Variants in MAD1L1 observed in about 807,000 individuals in gnomAD.
MAD1L1 encodes mitotic spindle assembly checkpoint protein MAD1.
Under a neutral mutation model 96.9 loss-of-function variants are expected in MAD1L1, and 95 were observed. That is an observed-to-expected ratio of 0.98 (90% CI 0.83 to 1.16). The LOEUF (loss-of-function observed/expected upper bound fraction) is 1.16, where lower values mean the gene tolerates loss of function less well. MAD1L1 is among the 50% of genes most tolerant of loss of function. MAD1L1 has a pLI of 0.00. For missense variants in MAD1L1, 1,007 were observed against 954.4 expected (o/e 1.06, Z -0.73); for synonymous variants, 473 against 396.6 (o/e 1.19, Z -2.29).
At chr7:1,964,886 G>C (rs1016502323) in intron 15 of MAD1L1, among the ~76,000 whole-genome samples, 2 of 152,164 alleles carry the variant, frequency 1.3e-5, no homozygotes, top group African/African-American at 4.8e-5. Context: ...AGGCTCCTGG[G>C]GCCTGGAGAG....
intron 11 of MAD1L1, among the ~76,000 whole-genome samples, chr7:2,070,303 G>A (rs760208193): frequency 5.9e-5 from 9 of 152,324 alleles, no homozygotes; most frequent in Middle Eastern, 3.4e-3. Context: ...CCTCACGGGA[G>A]GGGCTCCCAG....
chr7:2,081,991 G>A (rs1288772641), intron 11 of MAD1L1, among the ~76,000 whole-genome samples: 3 of 152,236 alleles, frequency 2.0e-5, no homozygotes, highest in African/African-American at 7.2e-5. Flanking sequence ...TGGAGATTAG[G>A]AGAGAGGTTG....
intron 18 of MAD1L1, among the ~76,000 whole-genome samples, chr7:1,821,102 G>T (rs1782104376): frequency 6.9e-6 from 1 of 144,808 alleles, no homozygotes; most frequent in East Asian, 2.0e-4. Flanking sequence ...AAGGGGGGGG[G>T]GAGAGTGAAA....
intron 15 of MAD1L1, among the ~76,000 whole-genome samples, chr7:1,960,086 G>A (rs1779890978): frequency 6.6e-6 from 1 of 152,178 alleles, no homozygotes; most frequent in South Asian, 2.1e-4. Context: ...TACTGTGTGT[G>A]AGAAGACGTA....
intron 13 of MAD1L1, among the ~76,000 whole-genome samples, chr7:2,005,150 G>A (rs538450799): frequency 2.6e-5 from 4 of 152,242 alleles, no homozygotes; most frequent in East Asian, 3.9e-4. Context: ...GGCAGACATC[G>A]ACGAGCTGAG....
intron 18 of MAD1L1, among the ~76,000 whole-genome samples, chr7:1,860,556 CG>C (rs1784496933): frequency 6.6e-6 from 1 of 151,864 alleles, no homozygotes; most frequent in Admixed American, 6.6e-5. Flanking sequence ...TCCTGTCCCT[CG>C]TCCCTCACAA....
chr7:1,984,924 G>T (rs1001217019), intron 14 of MAD1L1, among the ~76,000 whole-genome samples: 2 of 152,176 alleles, frequency 1.3e-5, no homozygotes, highest in Non-Finnish European at 2.9e-5. Flanking sequence ...TTAGAAAAGT[G>T]TGCATGTTTT....
At chr7:2,077,391 AGTCATGAGCATGAAGCCACCGT>A (rs1342057811) in intron 11 of MAD1L1, among the ~76,000 whole-genome samples, 1 of 152,118 alleles carries the variant, frequency 6.6e-6, no homozygotes, top group African/African-American at 2.4e-5. Context: ...TGAGCGACTG[AGTCATGAGCATGAAGCCACCGT>A]GTCCCCCAGG....
At chr7:1,970,331 C>CTTT (rs34240381) in intron 15 of MAD1L1, among the ~76,000 whole-genome samples, 121 of 116,510 alleles carry the variant, frequency 1.0e-3, no homozygotes, top group Non-Finnish European at 1.5e-3. Flanking sequence ...TTAATTTTTA[C>CTTT]TTTTTTTTTT....
intron 12 of MAD1L1, among the ~76,000 whole-genome samples, chr7:2,028,730 C>A (rs118125244): frequency 1.3e-5 from 2 of 152,100 alleles, no homozygotes; most frequent in Non-Finnish European, 2.9e-5. Context: ...AACACACCAA[C>A]GAAACAATAC....
At chr7:2,220,783 T>C in intron 5 of MAD1L1, 1 of 1,218,768 alleles carries the variant, frequency 8.2e-7, no homozygotes, top group Non-Finnish European at 1.1e-6. Flanking sequence ...ACCACAACAG[T>C]GAAGCATCAA....
At position 1,929,490 on chromosome 7, in the gene MAD1L1, G is replaced by A. The variant is rs114386495; in HGVS notation, c.1807+7197C>T. The stretch of plus-strand genomic sequence containing the variant: ...CGCCAAGGGCCCGTGCCGATGGCAA[G>A]GGTTGTTTAGTGACTGCCTTGTCAA... On this transcript the variant is annotated intron_variant, in intron 17 of 18. Transcript: ENST00000265854. 4.1e-3 allele frequency among the ~76,000 whole-genome samples: 625 copies of A among 152,258 alleles called. 9 individuals are homozygous for A. Among genetic ancestry groups the A allele is most frequent in the African/African-American group, 0.014 (590 of 41,520 alleles).
chr7:2,180,190 T>C (rs541353627), intron 10 of MAD1L1, among the ~76,000 whole-genome samples: 3 of 152,270 alleles, frequency 2.0e-5, no homozygotes, highest in Admixed American at 1.3e-4. Context: ...TAAGGGGCCA[T>C]GTCCGTGCAT....
chr7:2,176,677 A>G (rs1455567374), intron 10 of MAD1L1, among the ~76,000 whole-genome samples: 1 of 152,234 alleles, frequency 6.6e-6, no homozygotes, highest in Admixed American at 6.5e-5. Context: ...ACGAGAATCC[A>G]GCAAAGTCAC....
intron 12 of MAD1L1, among the ~76,000 whole-genome samples, chr7:2,060,173 C>T (rs565252528): frequency 1.4e-5 from 2 of 142,772 alleles, no homozygotes; most frequent in East Asian, 2.0e-4. Flanking sequence ...CGAGATACGC[C>T]GATGCCGAGA....
intron 18 of MAD1L1, among the ~76,000 whole-genome samples, chr7:1,888,451 T>A (rs544853981): frequency 2.1e-5 from 3 of 146,336 alleles, no homozygotes; most frequent in Admixed American, 6.7e-5. Flanking sequence ...TACATGTGTG[T>A]GCACGCATGT....
intron 11 of MAD1L1, among the ~76,000 whole-genome samples, chr7:2,144,337 G>A (rs377394147): frequency 1.4e-4 from 21 of 152,316 alleles, no homozygotes; most frequent in Admixed American, 2.6e-4. Context: ...ATTCATCGCC[G>A]GGATTACAGA....
At chr7:2,134,669 A>T (rs1196198894) in intron 11 of MAD1L1, among the ~76,000 whole-genome samples, 3 of 152,260 alleles carry the variant, frequency 2.0e-5, no homozygotes, top group Non-Finnish European at 4.4e-5. Context: ...AAACAGGACC[A>T]GTCACCAGAG....
chr7:2,064,563 G>C (rs1455867756), intron 12 of MAD1L1, among the ~76,000 whole-genome samples: 2 of 152,138 alleles, frequency 1.3e-5, no homozygotes, highest in Non-Finnish European at 2.9e-5. Flanking sequence ...CCGGAGGACA[G>C]AGGATTCTCC....
Sources: gnomAD v4.1 joint callset for allele counts (sites outside exome capture counted in the v4.1 genomes callset) on GRCh38, gnomAD v4.1.1 for gene constraint, MANE v1.5 for transcripts, NCBI Gene and HGNC (gene_info 2026-07-23, HGNC 2026-07-21) for gene names.